TBC1D22A: variants seen among roughly 807,000 people sequenced by gnomAD.
The protein encoded by TBC1D22A is TBC1 domain family member 22A, also known as putative GTPase activator.
In TBC1D22A, 38 loss-of-function variants were observed where a neutral mutation model predicts 60.2. The observed-to-expected ratio is 0.63, with a 90% confidence interval of 0.49 to 0.83. TBC1D22A has a LOEUF of 0.83. Ranked by LOEUF, TBC1D22A falls within the 40% of genes least tolerant of loss-of-function variation. The pLI is 0.00. For missense variants in TBC1D22A, 628 were observed against 701.0 expected (o/e 0.90, Z 1.18); for synonymous variants, 302 against 281.7 (o/e 1.07, Z -0.72).
intron 11 of TBC1D22A, among the ~76,000 whole-genome samples, chr22:47,041,423 G>A (rs1365647220): frequency 6.6e-6 from 1 of 152,190 alleles, no homozygotes; most frequent in Non-Finnish European, 1.5e-5. Context: ...TGCTGAGGGC[G>A]CGTCCTCCCA....
At chr22:47,048,192 G>A (rs892178578) in intron 11 of TBC1D22A, among the ~76,000 whole-genome samples, 34 of 152,166 alleles carry the variant, frequency 2.2e-4, no homozygotes, top group African/African-American at 8.2e-4. Flanking sequence ...CTGCTGAGAG[G>A]TGTGTGTGGA....
chr22:46,818,723 G>A (rs1171215372), intron 4 of TBC1D22A, among the ~76,000 whole-genome samples: 1 of 152,082 alleles, frequency 6.6e-6, no homozygotes, highest in Non-Finnish European at 1.5e-5. Context: ...GGCTATATGG[G>A]GTTTGATTCC....
chr22:46,772,040 C>T (rs924822923), intron 1 of TBC1D22A, among the ~76,000 whole-genome samples: 4 of 148,216 alleles, frequency 2.7e-5, no homozygotes, highest in South Asian at 4.2e-4. Context: ...AGTATTCCAT[C>T]GTATATATAC....
chr22:46,866,244 A>C (rs1280361131), intron 4 of TBC1D22A, among the ~76,000 whole-genome samples: 1 of 152,156 alleles, frequency 6.6e-6, no homozygotes, highest in Non-Finnish European at 1.5e-5. Context: ...AGCTGGGACT[A>C]CAGGCGTGTG....
chr22:46,845,534 G>C (rs963848426), intron 4 of TBC1D22A, among the ~76,000 whole-genome samples: 10 of 152,164 alleles, frequency 6.6e-5, no homozygotes, highest in Non-Finnish European at 1.5e-4. Flanking sequence ...GGAGATCCAC[G>C]AACCTGGTGT....
intron 12 of TBC1D22A, among the ~76,000 whole-genome samples, chr22:47,148,859 T>G (rs535398350): frequency 6.6e-6 from 1 of 152,320 alleles, no homozygotes; most frequent in East Asian, 1.9e-4. Context: ...ACCCAGTACC[T>G]GACCCAGCCT....
chr22:47,103,881 T>TA (rs1569448589), intron 11 of TBC1D22A, among the ~76,000 whole-genome samples: 1 of 152,198 alleles, frequency 6.6e-6, no homozygotes, highest in Admixed American at 6.5e-5. Flanking sequence ...TATCATGACT[T>TA]ACTTTCCAGC....
At chr22:46,919,731 C>CTTT (rs57252183) in intron 8 of TBC1D22A, among the ~76,000 whole-genome samples, 77,937 of 136,206 alleles carry the variant, frequency 0.57, 22,749 homozygotes, top group East Asian at 0.72. Context: ...ATCTTTCACT[C>CTTT]TTTTTTTTTT....
intron 8 of TBC1D22A, among the ~76,000 whole-genome samples, chr22:46,962,196 G>A (rs756597395): frequency 2.2e-4 from 34 of 152,204 alleles, no homozygotes; most frequent in Admixed American, 3.9e-4. Context: ...CCTGCTCTGC[G>A]TGGCTTTAAC....
chr22:46,791,991 C>T lies in TBC1D22A; in HGVS notation c.63-529C>T, dbSNP rs2084430393. ...TGCCAGGCTGGTCTCCAACTCCTGA[C>T]TTCAGGTGATCCGCCCGCCTTGGCC... On this transcript the variant is annotated intron_variant, in intron 1 of 12. Transcript: ENST00000337137. Among the ~76,000 whole-genome samples the T allele has an allele frequency of 1.3e-5, 2 of 152,200 alleles. 1 individual carries two copies. The highest frequency in any genetic ancestry group is 2.9e-5 in the Non-Finnish European group (2 of 68,026).
rs758737038 is a variant in TBC1D22A, at chr22:47,090,427, C to T, written c.1330-21081C>T. Among the ~76,000 whole-genome samples, 13 of 152,246 alleles carry T rather than the reference C, an allele frequency of 8.5e-5. No homozygotes were observed. The East Asian group carries it at 1.2e-3, about 14-fold the overall frequency. ...CTCGTCCCCTACTGCCACTCTGCCC[C>T]GTGTTCCAGCAGCCGAGTAACTTCG... On this transcript the variant is annotated intron_variant, in intron 11 of 12. Transcript: ENST00000337137.
intron 12 of TBC1D22A, among the ~76,000 whole-genome samples, chr22:47,168,870 T>A (rs1183043385): frequency 6.6e-6 from 1 of 152,238 alleles, no homozygotes; most frequent in Non-Finnish European, 1.5e-5. Flanking sequence ...TGGCGATATC[T>A]GCTCTTCAGT....
At chr22:46,871,259 A>G (rs2067280540) in intron 4 of TBC1D22A, among the ~76,000 whole-genome samples, 1 of 152,250 alleles carries the variant, frequency 6.6e-6, no homozygotes, top group Admixed American at 6.5e-5. Context: ...CAAGTTTACA[A>G]TCCTAGGCAG....
intron 11 of TBC1D22A, among the ~76,000 whole-genome samples, chr22:47,062,505 G>C (rs1239632924): frequency 6.6e-6 from 1 of 152,138 alleles, no homozygotes; most frequent in Non-Finnish European, 1.5e-5. Flanking sequence ...TCCAGAATAC[G>C]GTGCATGGTG....
At position 47,174,558 on chromosome 22, in the gene TBC1D22A, CTGTCCT is replaced by C. The variant is rs1029762384; in HGVS notation, c.*938_*943del. ...GCTTTTGGAGACTTCCTGGGACTTG[CTGTCCT>C]TGTCCAGGTCTGCCAGGTGTAGGGG... On this transcript the variant is annotated 3_prime_UTR_variant, in exon 13 of 13. Transcript: ENST00000337137. 6.6e-6 allele frequency: 1 copy of C among 152,274 alleles called. No individual in the cohort carries two copies. Among genetic ancestry groups the C allele is most frequent in the Non-Finnish European group, 1.5e-5 (1 of 68,110 alleles). 9.4% of individuals were successfully genotyped at this position (152,274 alleles called of 1,614,324 possible). A position where few individuals can be genotyped will look rare whatever the true frequency, so the allele number is the denominator to read the frequency against.
At chr22:47,171,559 C>A (rs1422620850) in intron 12 of TBC1D22A, among the ~76,000 whole-genome samples, 1 of 152,074 alleles carries the variant, frequency 6.6e-6, no homozygotes, top group Non-Finnish European at 1.5e-5. Flanking sequence ...ACCTGATGGT[C>A]CCCTGTTTCT....
chr22:46,789,692 A>G (rs1173889095), intron 1 of TBC1D22A, among the ~76,000 whole-genome samples: 4 of 152,214 alleles, frequency 2.6e-5, no homozygotes, highest in African/African-American at 9.6e-5. Context: ...AAATGACCCA[A>G]TGTAATATTT....
At position 47,173,665 on chromosome 22, in the gene TBC1D22A, G is replaced by A. The variant is rs112202260; in HGVS notation, c.*39G>A. 1 of 1,610,100 alleles carries A rather than the reference G, an allele frequency of 6.2e-7. No individual in the cohort carries two copies. Among genetic ancestry groups the A allele is most frequent in the Admixed American group, 1.7e-5 (1 of 59,928 alleles). On this transcript the variant is annotated 3_prime_UTR_variant, in exon 13 of 13. Coordinates refer to ENST00000337137, the MANE Select transcript of TBC1D22A (RefSeq NM_014346.5). Reference sequence around the variant, plus strand: ...CGCAGCTGGCCTCACTGTCCCGGGTGGCGCGCCCCACCTGCCTGGCTGGTG... The same window carrying A: ...CGCAGCTGGCCTCACTGTCCCGGGTAGCGCGCCCCACCTGCCTGGCTGGTG...
intron 4 of TBC1D22A, among the ~76,000 whole-genome samples, chr22:46,845,181 TAATC>T (rs1373628421): frequency 6.6e-6 from 1 of 152,254 alleles, no homozygotes; most frequent in Non-Finnish European, 1.5e-5. Context: ...TTGAGATTGT[TAATC>T]AATTGTTTTA....
Sources: gnomAD v4.1 joint callset for allele counts (sites outside exome capture counted in the v4.1 genomes callset) on GRCh38, gnomAD v4.1.1 for gene constraint, MANE v1.5 for transcripts, NCBI Gene and HGNC (gene_info 2026-07-23, HGNC 2026-07-21) for gene names.